SMURF2: variants seen among roughly 807,000 people sequenced by gnomAD.
The protein encoded by SMURF2 is E3 ubiquitin-protein ligase SMURF2.
Under a neutral mutation model 109.6 loss-of-function variants are expected in SMURF2, and 48 were observed. The observed-to-expected ratio is 0.44, with a 90% CI of 0.35 to 0.56. The LOEUF (loss-of-function observed/expected upper bound fraction) is 0.56. SMURF2 is among the 20% of genes least tolerant of loss of function. The pLI is 0.01. For synonymous variants in SMURF2, 288 were observed against 317.1 expected (o/e 0.91, Z 0.97); for missense variants, 575 against 909.0 (o/e 0.63, Z 4.72).
At chr17:64,583,600 ACAAG>A (rs1969606678) in intron 6 of SMURF2, 56 bp from the exon 7 acceptor site, 1 of 1,326,376 alleles carries the variant, frequency 7.5e-7, no homozygotes, top group Non-Finnish European at 1.1e-6. Context: ...ACACAGTGCA[ACAAG>A]CAAGCCAGTA....
chr17:64,642,086 C>T (rs2144722982), intron 1 of SMURF2, among the ~76,000 whole-genome samples: 1 of 152,326 alleles, frequency 6.6e-6, no homozygotes, highest in Admixed American at 6.5e-5. Flanking sequence ...GGATTACAGG[C>T]GTGAGCCATC....
chr17:64,619,207 G>A (rs1270062277), intron 1 of SMURF2, among the ~76,000 whole-genome samples: 1 of 151,988 alleles, frequency 6.6e-6, no homozygotes, highest in Non-Finnish European at 1.5e-5. Flanking sequence ...GGCCGGGCAC[G>A]GTGGCTCATG....
chr17:64,559,740 C>CA (rs34385253), intron 12 of SMURF2, among the ~76,000 whole-genome samples: 1,711 of 141,512 alleles, frequency 0.012, 31 homozygotes, highest in African/African-American at 0.039. Flanking sequence ...CTGTTTCTAC[C>CA]AAAAAAAAAA....
intron 9 of SMURF2, among the ~76,000 whole-genome samples, chr17:64,576,106 G>C (rs117629678): frequency 0.05 from 7,526 of 152,030 alleles, 304 homozygotes; most frequent in Admixed American, 0.13. Context: ...TCAGGAGGCT[G>C]AGGTGGGAGG....
At chr17:64,639,106 CT>C (rs1383699822) in intron 1 of SMURF2, among the ~76,000 whole-genome samples, 2 of 152,190 alleles carry the variant, frequency 1.3e-5, no homozygotes, top group African/African-American at 4.8e-5. Context: ...TGTTCTGTTT[CT>C]TGATCTGGAT....
intron 10 of SMURF2, among the ~76,000 whole-genome samples, chr17:64,571,544 T>G (rs372618212): frequency 6.6e-6 from 1 of 152,124 alleles, no homozygotes. Flanking sequence ...TAGCTAGGAC[T>G]GCAGGCATAC....
At chr17:64,555,289 C>G (rs1174190870) in intron 14 of SMURF2, among the ~76,000 whole-genome samples, 1 of 152,124 alleles carries the variant, frequency 6.6e-6, no homozygotes, top group Admixed American at 6.6e-5. Flanking sequence ...TCTGAAGAGC[C>G]CTACTCGGTA....
chr17:64,625,675 C>G lies in SMURF2; in HGVS notation c.53-19035G>C, dbSNP rs369399196. On this transcript the variant is annotated intron_variant, in intron 1 of 18. Coordinates refer to ENST00000262435, the MANE Select transcript of SMURF2 (RefSeq NM_022739.4). ...CGTATCTTATCTCTTCCTAGAGGGCCTGTTAAAATACACCGCTGAGTCCTA... is the reference window on the plus strand; with the variant it reads ...CGTATCTTATCTCTTCCTAGAGGGCGTGTTAAAATACACCGCTGAGTCCTA... Among the ~76,000 whole-genome samples, 84 of 152,262 alleles carry G rather than the reference C, an allele frequency of 5.5e-4. No individual in the cohort carries two copies. In the East Asian group the frequency reaches 0.012, roughly 21 times the overall value.
intron 6 of SMURF2, among the ~76,000 whole-genome samples, chr17:64,584,408 G>C (rs1418422927): frequency 7.0e-6 from 1 of 143,838 alleles, no homozygotes; most frequent in Non-Finnish European, 1.5e-5. Context: ...CGCCAGGCTG[G>C]AGTGCAGTGG....
intron 4 of SMURF2, among the ~76,000 whole-genome samples, chr17:64,591,683 T>C (rs1555687718): frequency 6.6e-6 from 1 of 152,206 alleles, no homozygotes; most frequent in African/African-American, 2.4e-5. Flanking sequence ...AAAAGAGATA[T>C]AACACTGACC....
intron 8 of SMURF2, 114 bp from the exon 9 acceptor site, chr17:64,578,690 T>C (rs1219356225): frequency 3.1e-6 from 2 of 648,738 alleles, no homozygotes; most frequent in Non-Finnish European, 2.6e-6. Context: ...TACCAATCTA[T>C]TTTATTTATT....
rs1969579696 is a variant in SMURF2 at position 64,581,679 on chromosome 17, T to A, written c.570-688A>T. ...AATTAACATGGCAGGGTATGGTGGC[T>A]CACACCTGTAATCCCAGCACTTTGG... On this transcript the variant is annotated intron_variant, in intron 7 of 18. Coordinates refer to ENST00000262435, the MANE Select transcript of SMURF2 (RefSeq NM_022739.4). The surrounding 1 kb of genome is among the most constrained non-coding windows in gnomAD (Gnocchi z 4.3). 6.6e-6 allele frequency among the ~76,000 whole-genome samples: 1 copy of A among 152,158 alleles called. No individual in the cohort carries two copies. The highest frequency in any genetic ancestry group is 2.4e-5 in the African/African-American group (1 of 41,436).
intron 3 of SMURF2, among the ~76,000 whole-genome samples, chr17:64,595,941 C>T (rs17401012): frequency 2.6e-4 from 39 of 151,934 alleles, no homozygotes; most frequent in Non-Finnish European, 5.6e-4. Context: ...ATACTCTAAA[C>T]CTACAATTTC....
At position 64,593,477 on chromosome 17, in the gene SMURF2, A is replaced by G; in HGVS notation, c.297T>C (p.Leu99=). The change falls in exon 4 of 19, where the codon CTT becomes CTC. Residue 99 remains leucine (L), a synonymous_variant. Coordinates refer to ENST00000262435, the MANE Select transcript of SMURF2 (RefSeq NM_022739.4). The stretch of plus-strand genomic sequence containing the variant: ...TGAGGCGGTTGATGGCATTGGAAAG[A>G]AGACGAACACAACCGAGAAATCCAG... The part of the protein sequence containing the change: ...QGAGFLGCVR[L]LSNAINRLKD... The G allele has an allele frequency of 6.2e-7, 1 of 1,610,764 alleles. No individual in the cohort carries two copies. Among genetic ancestry groups the G allele is most frequent in the Non-Finnish European group, 8.5e-7 (1 of 1,178,920 alleles).
At chr17:64,566,561 G>GTTTGGTTTTTTTTTTTTTTTT in intron 10 of SMURF2, among the ~76,000 whole-genome samples, 1 of 43,784 alleles carries the variant, frequency 2.3e-5, no homozygotes, top group Non-Finnish European at 4.2e-5. Context: ...AAGCTTTCTG[G>GTTTGGTTTTTTTTTTTTTTTT]TTTTTTTTTT....
chr17:64,577,886 G>C (rs1277638015), intron 9 of SMURF2, among the ~76,000 whole-genome samples: 1 of 150,808 alleles, frequency 6.6e-6, no homozygotes. Context: ...AGAGCCACCT[G>C]CTTGGTGCCC....
intron 1 of SMURF2, among the ~76,000 whole-genome samples, chr17:64,632,982 A>T (rs1555691782): frequency 6.6e-6 from 1 of 152,222 alleles, no homozygotes; most frequent in Non-Finnish European, 1.5e-5. Context: ...TTATAACAGA[A>T]GGTAGAGGCT....
chr17:64,560,162 C>T (rs1476723025), intron 12 of SMURF2, among the ~76,000 whole-genome samples: 1 of 151,810 alleles, frequency 6.6e-6, no homozygotes, highest in African/African-American at 2.4e-5. Context: ...CTGCAGTGAG[C>T]CATGATCACA....
At chr17:64,578,247 T>A (rs1015719179) in intron 9 of SMURF2, among the ~76,000 whole-genome samples, 7 of 152,040 alleles carry the variant, frequency 4.6e-5, no homozygotes, top group African/African-American at 1.7e-4. Context: ...CCCTGCCTAT[T>A]CCACTTTTTT....
Sources: allele counts gnomAD v4.1 joint callset (sites outside exome capture counted in the v4.1 genomes callset), GRCh38; gene constraint gnomAD v4.1.1; non-coding constraint Gnocchi (gnomAD v3.1); transcripts MANE v1.5; gene names NCBI Gene and HGNC (gene_info 2026-07-23, HGNC 2026-07-21).